Variants in KLF9 observed in about 807,000 individuals in gnomAD.
KLF9 encodes KLF transcription factor 9, also known as Krueppel-like factor 9.
In KLF9, 2 loss-of-function variants were observed where a neutral mutation model predicts 17.3. The ratio of observed to expected loss-of-function variants is 0.12; its 90% CI spans 0.05 to 0.36. The LOEUF is 0.36. KLF9 is among the 10% of genes least tolerant of loss of function. The pLI is 1.00. For missense variants in KLF9, 226 were observed against 333.2 expected (o/e 0.68, Z 2.51); for synonymous variants, 138 against 139.2 (o/e 0.99, Z 0.06).
chr9:70,389,410 T>C (rs2037137877), intron 1 of KLF9, among the ~76,000 whole-genome samples: 1 of 152,192 alleles, frequency 6.6e-6, no homozygotes, highest in Admixed American at 6.5e-5. Flanking sequence ...TTAAACTCTG[T>C]ACTCAGGGTC....
intron 1 of KLF9, among the ~76,000 whole-genome samples, chr9:70,401,686 CAAAAAAA>C (rs34988097): frequency 1.2e-4 from 8 of 66,510 alleles, no homozygotes; most frequent in Admixed American, 9.9e-4. Flanking sequence ...GACTCCTTCA[CAAAAAAA>C]AAAAAAAAAA....
At chr9:70,390,217 A>T (rs1231723687) in intron 1 of KLF9, among the ~76,000 whole-genome samples, 1 of 152,202 alleles carries the variant, frequency 6.6e-6, no homozygotes, top group Non-Finnish European at 1.5e-5. Flanking sequence ...GGTAAAACGA[A>T]TCTGTAGCAG....
At chr9:70,412,185 CCAAAAAAAAAAAA>C in intron 1 of KLF9, among the ~76,000 whole-genome samples, 1 of 15,288 alleles carries the variant, frequency 6.5e-5, no homozygotes, top group African/African-American at 3.0e-4. Flanking sequence ...AGTCACATGG[CCAAAAAAAAAAAA>C]AAAAAAAAAA....
At chr9:70,393,658 T>TA (rs1192492204) in intron 1 of KLF9, among the ~76,000 whole-genome samples, 1 of 152,076 alleles carries the variant, frequency 6.6e-6, no homozygotes, top group Non-Finnish European at 1.5e-5. Flanking sequence ...ACCAATCTGG[T>TA]AAAAAACAAA....
In KLF9 at chr9:70,413,292, C is replaced by T; in HGVS notation, c.72G>A (p.Val24=). 1 of 1,610,462 alleles carries T rather than the reference C, an allele frequency of 6.2e-7. No individual in the cohort carries two copies. Among genetic ancestry groups the T allele is most frequent in the African/African-American group, 1.3e-5 (1 of 75,046 alleles). ...CGTCCGGAGCGACCCCATGCTCCGG[C>T]ACCGCAGCGCGGTTCGAAATGGAAA... ...CLVSISNRAA[V]PEHGVAPDAE... Residue 24 remains valine (V), a synonymous_variant, in exon 1 of 2, where the codon GTG becomes GTA. Coordinates refer to ENST00000377126, the MANE Select transcript of KLF9 (RefSeq NM_001206.4). This position sits in a 1 kb window ranked among gnomAD's most constrained non-coding sequence, Gnocchi z 5.6.
chr9:70,412,142 A>T (rs2037319847), intron 1 of KLF9, among the ~76,000 whole-genome samples: 1 of 143,460 alleles, frequency 7.0e-6, no homozygotes, highest in Non-Finnish European at 1.5e-5. Context: ...ACCTCCCTGC[A>T]AACCGCGATT....
chr9:70,410,466 A>G (rs544789652), intron 1 of KLF9, among the ~76,000 whole-genome samples: 1 of 152,246 alleles, frequency 6.6e-6, no homozygotes, highest in Non-Finnish European at 1.5e-5. Flanking sequence ...AGCACACTAC[A>G]GAAGTAGCAG....
chr9:70,407,534 C>A (rs2037264653), intron 1 of KLF9, among the ~76,000 whole-genome samples: 1 of 152,234 alleles, frequency 6.6e-6, no homozygotes, highest in African/African-American at 2.4e-5. Flanking sequence ...TATCGTGAAA[C>A]TGTAATCTTG....
At chr9:70,388,202 C>G (rs1333344780) in intron 1 of KLF9, among the ~76,000 whole-genome samples, 197 bp from the exon 2 acceptor site, 1 of 152,100 alleles carries the variant, frequency 6.6e-6, no homozygotes, top group Non-Finnish European at 1.5e-5. Flanking sequence ...GAAGTTAAGG[C>G]CTTTAAAGAG....
intron 1 of KLF9, among the ~76,000 whole-genome samples, chr9:70,406,642 T>C (rs1485243010): frequency 1.3e-5 from 2 of 152,136 alleles, no homozygotes. Flanking sequence ...TTTTTAACCA[T>C]CTGTGGGGTT....
intron 1 of KLF9, among the ~76,000 whole-genome samples, chr9:70,406,095 T>C (rs1395022305): frequency 2.0e-5 from 3 of 152,102 alleles, no homozygotes; most frequent in African/African-American, 4.8e-5. Context: ...ATGTTAACCA[T>C]AGACTGAAGT....
At chr9:70,392,502 C>G (rs1451675205) in intron 1 of KLF9, among the ~76,000 whole-genome samples, 4 of 152,106 alleles carry the variant, frequency 2.6e-5, no homozygotes, top group African/African-American at 9.7e-5. Flanking sequence ...ATCTAACATG[C>G]CATGATGTTG....
chr9:70,390,686 C>T (rs759687720), intron 1 of KLF9, among the ~76,000 whole-genome samples: 12 of 152,088 alleles, frequency 7.9e-5, no homozygotes, highest in Non-Finnish European at 1.6e-4. Context: ...CGTCCTCCTC[C>T]TGGTCACTCA....
At chr9:70,407,548 G>A (rs2037264741) in intron 1 of KLF9, among the ~76,000 whole-genome samples, 1 of 152,226 alleles carries the variant, frequency 6.6e-6, no homozygotes, top group South Asian at 2.1e-4. Context: ...AATCTTGCCA[G>A]CAGAAGATTC....
At chr9:70,403,608 A>T (rs1453013173) in intron 1 of KLF9, among the ~76,000 whole-genome samples, 1 of 152,212 alleles carries the variant, frequency 6.6e-6, no homozygotes, top group East Asian at 1.9e-4. Context: ...AGAGGCAGAA[A>T]CTGAGTGCCT....
At chr9:70,400,253 G>C (rs996971602) in intron 1 of KLF9, among the ~76,000 whole-genome samples, 1 of 152,166 alleles carries the variant, frequency 6.6e-6, no homozygotes, top group African/African-American at 2.4e-5. Flanking sequence ...CAGGAGGACT[G>C]GGTCACAGTG....
At chr9:70,410,540 A>G (rs1265357550) in intron 1 of KLF9, among the ~76,000 whole-genome samples, 3 of 152,148 alleles carry the variant, frequency 2.0e-5, no homozygotes, top group East Asian at 1.9e-4. Context: ...GAAGTGGTCT[A>G]TGAAGTGGCA....
intron 1 of KLF9, among the ~76,000 whole-genome samples, chr9:70,409,104 G>GTA (rs1365964822): frequency 0.012 from 871 of 72,316 alleles, 51 homozygotes; most frequent in African/African-American, 0.031. Context: ...ATATATATGT[G>GTA]TATATATATA....
rs1202895343 is a variant in KLF9, at chr9:70,413,951, TCAGTAA to T, written c.-594_-589del. ...CCGCACCGTTCCGGCATTCTCTTGC[TCAGTAA>T]CAATTTCGCAGAATCCCATCACGTC... On this transcript the variant is annotated 5_prime_UTR_variant, in exon 1 of 2. Transcript: ENST00000377126. This position sits in a 1 kb window ranked among gnomAD's most constrained non-coding sequence, Gnocchi z 5.6. 6.6e-6 allele frequency: 1 copy of T among 152,598 alleles called. No individual in the cohort carries two copies. Among genetic ancestry groups the T allele is most frequent in the African/African-American group, 2.4e-5 (1 of 41,390 alleles). The allele number at this position is 152,598 out of a possible 1,614,324, so 9.5% of individuals were successfully genotyped here. A position where few individuals can be genotyped will look rare whatever the true frequency, so the allele number is the denominator to read the frequency against.
Sources: allele counts gnomAD v4.1 joint callset (sites outside exome capture counted in the v4.1 genomes callset), GRCh38; gene constraint gnomAD v4.1.1; non-coding constraint Gnocchi (gnomAD v3.1); transcripts MANE v1.5; gene names NCBI Gene and HGNC (gene_info 2026-07-23, HGNC 2026-07-21).